The following CEP250 variants were observed in gnomAD, a reference collection of about 807,000 sequenced individuals.
CEP250 encodes the protein centrosomal protein 250.
Under a neutral mutation model 315.7 loss-of-function variants are expected in CEP250, and 242 were observed. The observed-to-expected ratio is 0.77, with a 90% CI of 0.69 to 0.85. The LOEUF is 0.85. Ranked by LOEUF, CEP250 falls within the 40% of genes least tolerant of loss-of-function variation. The probability of loss-of-function intolerance (pLI) is 0.00; values close to 1 mark genes in which losing one functional copy is unlikely to be tolerated. For synonymous variants in CEP250, 1,088 were observed against 1,175.0 expected (o/e 0.93, Z 1.51); for missense variants, 2,515 against 2,886.4 (o/e 0.87, Z 2.95).
At chr20:35,486,262 G>A (rs2063510624) in intron 20 of CEP250, among the ~76,000 whole-genome samples, 1 of 151,918 alleles carries the variant, frequency 6.6e-6, no homozygotes, top group East Asian at 1.9e-4. Context: ...ACAAGGTCTT[G>A]CTATTGCCCA....
chr20:35,485,373 CAAA>C (rs896722122), intron 20 of CEP250, among the ~76,000 whole-genome samples: 5 of 79,594 alleles, frequency 6.3e-5, no homozygotes, highest in Non-Finnish European at 5.5e-5. Context: ...GACTCTGTCT[CAAA>C]AAAAAAAAAA....
chr20:35,504,378 C>G lies in CEP250; in HGVS notation c.6009C>G (p.Ala2003=). The change falls in exon 30 of 35, where the codon GCC becomes GCG. Residue 2003 remains alanine, a synonymous_variant. Transcript: ENST00000397527. ...AGGCCAGCACTGCAACCCTGCAAGCCTCCCTGGATGCCTGCCAGGCACACA... is the reference window on the plus strand; with the variant it reads ...AGGCCAGCACTGCAACCCTGCAAGCGTCCCTGGATGCCTGCCAGGCACACA... The part of the protein sequence containing the change: ...SLEASTATLQ[A]SLDACQAHSR... The G allele has an allele frequency of 6.2e-7, 1 of 1,600,588 alleles. No homozygotes were observed.
At chr20:35,511,336 C>CTTTTTTT in intron 34 of CEP250, 27 bp from the exon 35 acceptor site, 1 of 1,101,694 alleles carries the variant, frequency 9.1e-7, no homozygotes, top group African/African-American at 1.8e-5. Flanking sequence ...GCTGCTCTCG[C>CTTTTTTT]TTTTTTTTTT....
intron 22 of CEP250, among the ~76,000 whole-genome samples, chr20:35,491,673 C>T (rs370697498): frequency 2.0e-5 from 3 of 151,972 alleles, no homozygotes; most frequent in South Asian, 4.2e-4. Context: ...GAGGCTGAGG[C>T]GGACAGATCA....
chr20:35,481,556 T>A (rs368034592), intron 20 of CEP250, among the ~76,000 whole-genome samples: 7 of 152,134 alleles, frequency 4.6e-5, no homozygotes, highest in East Asian at 3.8e-4. Flanking sequence ...TTTGTTCAGA[T>A]ACAACGAATT....
intron 5 of CEP250, 138 bp downstream of exon 5, chr20:35,463,769 T>C: frequency 1.8e-6 from 1 of 542,526 alleles, no homozygotes; most frequent in Non-Finnish European, 2.9e-6. Flanking sequence ...CTCTGAGAGG[T>C]TTATCACACT....
At chr20:35,462,214 G>T in intron 3 of CEP250, 51 bp from the exon 4 acceptor site, 1 of 596,140 alleles carries the variant, frequency 1.7e-6, no homozygotes, top group Non-Finnish European at 3.0e-6. Context: ...GGAGTCTTGT[G>T]TGTAGTAAAA....
intron 29 of CEP250, 21 bp from the exon 30 acceptor site, chr20:35,502,369 G>A: frequency 6.3e-7 from 1 of 1,589,712 alleles, no homozygotes; most frequent in Non-Finnish European, 8.6e-7. Flanking sequence ...GTCTAAAGTG[G>A]CTTTTCATCT....
intron 20 of CEP250, among the ~76,000 whole-genome samples, chr20:35,481,557 A>G (rs1190268223): frequency 6.6e-6 from 1 of 151,800 alleles, no homozygotes; most frequent in Non-Finnish European, 1.5e-5. Flanking sequence ...TTGTTCAGAT[A>G]CAACGAATTG....
intron 20 of CEP250, 70 bp from the exon 21 acceptor site, chr20:35,490,567 T>G: frequency 1.4e-6 from 2 of 1,476,004 alleles, no homozygotes; most frequent in Non-Finnish European, 9.1e-7. Flanking sequence ...GACTTTGTTT[T>G]TCCAATCCAG....
Position 35,512,212 on chromosome 20 carries a change from G to T in CEP250, c.*586G>T, listed in dbSNP as rs527766418. 85 of 197,354 alleles carry T rather than the reference G, an allele frequency of 4.3e-4. No individual in the cohort carries two copies. Among genetic ancestry groups the T allele is most frequent in the African/African-American group, 1.8e-3 (77 of 42,414 alleles). The allele number at this position is 197,354 out of a possible 1,614,324, so 12.2% of individuals were successfully genotyped here. ...ATTTATGAGTCAGAGGCAATTCTGT[G>T]TACTGACTAGAAGAACTGTAGAAAT... On this transcript the variant is annotated 3_prime_UTR_variant, in exon 35 of 35. Transcript: ENST00000397527.
intron 22 of CEP250, 33 bp downstream of exon 22, chr20:35,491,379 A>C: frequency 6.4e-7 from 1 of 1,564,580 alleles, no homozygotes; most frequent in Non-Finnish European, 8.7e-7. Context: ...TAGGGGAGAA[A>C]GGGGCACTCA....
chr20:35,502,624 C>G lies in CEP250; in HGVS notation c.4255C>G (p.Leu1419Val). The part of the protein sequence containing the change: ...GELKVAQGKA[L>V]QENLALLTQT... ...ACTGAAGGTGGCCCAAGGGAAGGCT[C>G]TGCAAGAGAATTTGGCCCTCCTGAC... Residue 1419 changes from leucine (L) to valine (V), a missense_variant, in exon 30 of 35, where the codon CTG becomes GTG. Physicochemically the swap from Leu to Val is conservative, Grantham distance 32. Transcript: ENST00000397527. The G allele has an allele frequency of 6.2e-7, 1 of 1,614,254 alleles. No homozygotes were observed. The highest frequency in any genetic ancestry group is 8.5e-7 in the Non-Finnish European group (1 of 1,180,048).
intron 5 of CEP250, among the ~76,000 whole-genome samples, chr20:35,464,375 C>T (rs1451771044): frequency 6.6e-6 from 1 of 152,170 alleles, no homozygotes; most frequent in African/African-American, 2.4e-5. Flanking sequence ...CTGGTGCAGT[C>T]ATGAGTCACT....
chr20:35,480,158 T>C lies in CEP250; in HGVS notation c.2586+13T>C. The C allele has an allele frequency of 1.2e-6, 2 of 1,605,814 alleles. No individual in the cohort carries two copies. Among genetic ancestry groups the C allele is most frequent in the African/African-American group, 1.3e-5 (1 of 74,878 alleles). ...CCGGGAGAAATGGGTAAGTGGTCAA[T>C]GTGGCCGGGTATGGCCTCCCTTCCA... On this transcript the variant is annotated intron_variant, in intron 20 of 34. Coordinates refer to ENST00000397527, the MANE Select transcript of CEP250 (RefSeq NM_007186.6).
chr20:35,505,741 A>G (rs2064168895), intron 30 of CEP250, among the ~76,000 whole-genome samples: 1 of 151,978 alleles, frequency 6.6e-6, no homozygotes. Flanking sequence ...GGAAGAGGAA[A>G]AGAGGGCGAG....
At position 35,475,656 on chromosome 20, in the gene CEP250, C is replaced by G. The variant is rs777599797; in HGVS notation, c.1716+10C>G. Reference sequence around the variant, plus strand: ...CGCAGCGCTGGCTAGGGTGCGTGGCCTCCTCTCCTCACTTGCTGGGTGGGC... The same window carrying G: ...CGCAGCGCTGGCTAGGGTGCGTGGCGTCCTCTCCTCACTTGCTGGGTGGGC... On this transcript the variant is annotated intron_variant, in intron 15 of 34. Coordinates refer to ENST00000397527, the MANE Select transcript of CEP250 (RefSeq NM_007186.6). 6.2e-7 allele frequency: 1 copy of G among 1,612,362 alleles called. No individual in the cohort carries two copies. The highest frequency in any genetic ancestry group is 1.7e-5 in the Admixed American group (1 of 59,926).
intron 15 of CEP250, 78 bp downstream of exon 15, chr20:35,475,724 C>G (rs2063153491): frequency 1.3e-6 from 2 of 1,483,712 alleles, no homozygotes; most frequent in Non-Finnish European, 1.8e-6. Context: ...TCATTCTTCA[C>G]CTTCAAGCCA....
intron 5 of CEP250, among the ~76,000 whole-genome samples, chr20:35,465,388 C>G (rs2062849687): frequency 6.7e-6 from 1 of 149,482 alleles, no homozygotes; most frequent in Non-Finnish European, 1.5e-5. Context: ...CCATTGCACT[C>G]CAGCCTGGGC....
Sources: allele counts gnomAD v4.1 joint callset (sites outside exome capture counted in the v4.1 genomes callset), GRCh38; gene constraint gnomAD v4.1.1; transcripts MANE v1.5; gene names NCBI Gene and HGNC (gene_info 2026-07-23, HGNC 2026-07-21).